SIN3A: variants seen among roughly 807,000 people sequenced by gnomAD.
The protein encoded by SIN3A is paired amphipathic helix protein Sin3a.
In SIN3A, 14 loss-of-function variants were observed where a neutral mutation model predicts 146.1. The ratio of observed to expected loss-of-function variants is 0.10; its 90% CI spans 0.06 to 0.15. SIN3A has a LOEUF of 0.15. Ranked by LOEUF, SIN3A falls within the 10% of genes least tolerant of loss-of-function variation. The pLI is 1.00. For synonymous variants in SIN3A, 572 were observed against 572.0 expected, an observed-to-expected ratio of 1.00 and a Z score of 0.00; for missense variants, 1,028 against 1,576.0, an observed-to-expected ratio of 0.65 and a Z score of 5.89.
intron 20 of SIN3A, among the ~76,000 whole-genome samples, chr15:75,373,871 T>C (rs191406298): frequency 8.5e-5 from 13 of 152,338 alleles, no homozygotes; most frequent in Admixed American, 3.9e-4. Flanking sequence ...TAGTTCCATT[T>C]TGGGGGAGTC....
intron 1 of SIN3A, among the ~76,000 whole-genome samples, chr15:75,451,207 C>G (rs1406872177): frequency 2.8e-5 from 4 of 145,340 alleles, no homozygotes; most frequent in East Asian, 2.1e-4. Flanking sequence ...AGCCCGCCCC[C>G]CTCCGCGCGC....
chr15:75,398,586 G>A (rs1267500320), intron 12 of SIN3A, among the ~76,000 whole-genome samples: 1 of 152,128 alleles, frequency 6.6e-6, no homozygotes, highest in Non-Finnish European at 1.5e-5. Context: ...GCTGAGGCAG[G>A]ATAATGGCTT....
intron 5 of SIN3A, 145 bp downstream of exon 5, chr15:75,412,618 T>G (rs904630551): frequency 6.5e-6 from 5 of 774,136 alleles, no homozygotes; most frequent in Admixed American, 2.9e-5. Flanking sequence ...CATGTCATAG[T>G]GAAGTTTTCA....
intron 17 of SIN3A, among the ~76,000 whole-genome samples, chr15:75,382,631 T>C (rs1385439001): frequency 2.0e-5 from 3 of 152,204 alleles, no homozygotes; most frequent in African/African-American, 7.2e-5. Context: ...AGAAGTGTTG[T>C]TAATTGAGCA....
At chr15:75,380,810 A>C in intron 18 of SIN3A, 87 bp from the exon 19 acceptor site, 4 of 864,742 alleles carry the variant, frequency 4.6e-6, no homozygotes, top group Non-Finnish European at 5.9e-6. Flanking sequence ...TTCTATGATT[A>C]CAATGCCCCG....
chr15:75,371,629 C>T lies in SIN3A; in HGVS notation c.*350G>A, dbSNP rs2072753151. ...ATCCAGTCAAAGTGTGAACAGCATC[C>T]GGTTCCCTCATTGAAAGTTAGGCCA... On this transcript the variant is annotated 3_prime_UTR_variant, in exon 21 of 21. Coordinates refer to ENST00000394947, the MANE Select transcript of SIN3A (RefSeq NM_001145358.2). 1 of 238,612 alleles carries T rather than the reference C, an allele frequency of 4.2e-6. No individual in the cohort carries two copies. Among genetic ancestry groups the T allele is most frequent in the Non-Finnish European group, 8.1e-6 (1 of 123,772 alleles). The allele number at this position is 238,612 out of a possible 1,614,324, so 14.8% of individuals were successfully genotyped here. A position where few individuals can be genotyped will look rare whatever the true frequency, so the allele number is the denominator to read the frequency against.
intron 20 of SIN3A, among the ~76,000 whole-genome samples, chr15:75,373,831 T>TA (rs1414162706): frequency 2.6e-5 from 4 of 152,162 alleles, no homozygotes; most frequent in African/African-American, 9.6e-5. Context: ...TGTTTATCAG[T>TA]AAGCCTTCCA....
chr15:75,380,780 G>A, intron 18 of SIN3A, 57 bp from the exon 19 acceptor site: 2 of 1,163,130 alleles, frequency 1.7e-6, no homozygotes, highest in Admixed American at 1.7e-5. Flanking sequence ...AGCTCCTAAT[G>A]CATTGGGCAC....
chr15:75,387,889 G>A (rs535926942), intron 16 of SIN3A, among the ~76,000 whole-genome samples: 8 of 152,176 alleles, frequency 5.3e-5, no homozygotes, highest in African/African-American at 1.9e-4. Context: ...AATGATTTCT[G>A]CCAGTTACCA....
intron 1 of SIN3A, among the ~76,000 whole-genome samples, chr15:75,431,068 G>GC (rs1200706520): frequency 1.4e-4 from 21 of 152,082 alleles, no homozygotes; most frequent in African/African-American, 5.1e-4. Context: ...GAGCCACCGC[G>GC]CCCGGCCTCA....
chr15:75,426,494 C>T (rs2073928245), intron 2 of SIN3A, among the ~76,000 whole-genome samples: 1 of 152,178 alleles, frequency 6.6e-6, no homozygotes, highest in South Asian at 2.1e-4. Flanking sequence ...ACCAGCCGTA[C>T]ATTTTTAAGG....
chr15:75,376,695 A>T (rs1276667219), intron 19 of SIN3A, among the ~76,000 whole-genome samples: 1 of 25,842 alleles, frequency 3.9e-5, no homozygotes, highest in Admixed American at 3.5e-4. Context: ...CCTTCTCTAC[A>T]AAAAAAAAAA....
At chr15:75,415,911 G>A (rs2073727109) in intron 3 of SIN3A, 1 of 296,464 alleles carries the variant, frequency 3.4e-6, no homozygotes, top group Non-Finnish European at 6.5e-6. Flanking sequence ...GTACCCAAAG[G>A]GAAAAAGGAA....
chr15:75,389,626 C>T (rs1169113044), intron 16 of SIN3A, 26 bp downstream of exon 16: 1 of 1,609,780 alleles, frequency 6.2e-7, no homozygotes, highest in Non-Finnish European at 8.5e-7. Context: ...TTCCCTTACT[C>T]ACCCTAGCCT....
chr15:75,381,316 A>G (rs547247911), intron 18 of SIN3A, among the ~76,000 whole-genome samples: 53 of 152,338 alleles, frequency 3.5e-4, no homozygotes, highest in African/African-American at 1.2e-3. Flanking sequence ...TGACATGAGA[A>G]AGACCTCATT....
At chr15:75,429,932 A>G in intron 2 of SIN3A, 1 of 322,672 alleles carries the variant, frequency 3.1e-6, no homozygotes, top group East Asian at 5.3e-5. Flanking sequence ...TGATAAATAC[A>G]AAGTTTAGAT....
intron 1 of SIN3A, among the ~76,000 whole-genome samples, chr15:75,444,213 G>A (rs544981967): frequency 6.6e-6 from 1 of 152,000 alleles, no homozygotes; most frequent in South Asian, 2.1e-4. Flanking sequence ...GCCTGTAATC[G>A]CAGCACTTCG....
chr15:75,376,648 G>C (rs1009325309), intron 19 of SIN3A, among the ~76,000 whole-genome samples: 1 of 151,828 alleles, frequency 6.6e-6, no homozygotes, highest in East Asian at 1.9e-4. Context: ...CTTGAGCTCA[G>C]GAGTTTGAGA....
rs2072685225 is a variant in SIN3A, at chr15:75,369,483, CAAAGAT to C, written c.*2490_*2495del. On this transcript the variant is annotated 3_prime_UTR_variant, in exon 21 of 21. Coordinates refer to ENST00000394947, the MANE Select transcript of SIN3A (RefSeq NM_001145358.2). ...ACAGAATAACAAATGTGATTTAAAA[CAAAGAT>C]AACCTGCTGCTGCATATAATACAGG... 6.6e-6 allele frequency: 1 copy of C among 152,214 alleles called. No individual in the cohort carries two copies. The highest frequency in any genetic ancestry group is 2.1e-4 in the South Asian group (1 of 4,828). The allele number at this position is 152,214 out of a possible 1,614,324, so 9.4% of individuals were successfully genotyped here.
Sources: gnomAD v4.1 joint callset for allele counts (sites outside exome capture counted in the v4.1 genomes callset) on GRCh38, gnomAD v4.1.1 for gene constraint, MANE v1.5 for transcripts, NCBI Gene and HGNC (gene_info 2026-07-23, HGNC 2026-07-21) for gene names.